Variants in CHST11 observed in about 807,000 individuals in gnomAD.
The protein encoded by CHST11 is carbohydrate sulfotransferase 11.
CHST11 carries 9 observed loss-of-function variants against 30.4 expected under a neutral mutation model. The observed-to-expected ratio is 0.30, with a 90% confidence interval of 0.18 to 0.52. The LOEUF is 0.52. Among genes scored for constraint, CHST11 ranks in the 20% least tolerant of loss-of-function variants. The pLI is 0.97. For synonymous variants in CHST11, 152 were observed against 187.8 expected, an observed-to-expected ratio of 0.81 and a Z score of 1.56; for missense variants, 348 against 460.6, an observed-to-expected ratio of 0.76 and a Z score of 2.24.
intron 1 of CHST11, among the ~76,000 whole-genome samples, chr12:104,556,085 G>A (rs529789992): frequency 6.6e-6 from 1 of 152,346 alleles, no homozygotes; most frequent in Non-Finnish European, 1.5e-5. Context: ...GCTTTGGAGG[G>A]ACCAGAAAGA....
chr12:104,493,391 A>G (rs1489072563), intron 1 of CHST11, among the ~76,000 whole-genome samples: 1 of 152,126 alleles, frequency 6.6e-6, no homozygotes, highest in Admixed American at 6.6e-5. Flanking sequence ...TTGCTCTTTA[A>G]TAGACATAGG....
At chr12:104,542,700 G>A (rs2038297011) in intron 1 of CHST11, among the ~76,000 whole-genome samples, 1 of 152,232 alleles carries the variant, frequency 6.6e-6, no homozygotes, top group Non-Finnish European at 1.5e-5. Context: ...GTAGAGTGGG[G>A]ATAGTGGGGA....
intron 1 of CHST11, among the ~76,000 whole-genome samples, chr12:104,601,480 C>T (rs2038956595): frequency 6.6e-6 from 1 of 152,210 alleles, no homozygotes; most frequent in South Asian, 2.1e-4. Context: ...CTCAGAAGCC[C>T]AGCTTTCAGG....
rs993511183 is a variant in CHST11 at position 104,760,905 on chromosome 12, T to A, written c.*3102T>A. On this transcript the variant is annotated 3_prime_UTR_variant, in exon 3 of 3. Transcript: ENST00000303694. ...GCCTGGAAAATGAAAGTTTGTGTTT[T>A]TTAAAGAGGAATATTTGAAACTGCT... is the stretch of plus-strand genomic sequence containing the variant. 48 of 152,226 alleles carry A rather than the reference T, an allele frequency of 3.2e-4. No homozygotes were observed. Among genetic ancestry groups the A allele is most frequent in the African/African-American group, 2.4e-5 (1 of 41,458 alleles). 9.4% of individuals were successfully genotyped at this position (152,226 alleles called of 1,614,324 possible).
At chr12:104,660,782 T>G (rs1373677353) in intron 2 of CHST11, among the ~76,000 whole-genome samples, 1 of 152,154 alleles carries the variant, frequency 6.6e-6, no homozygotes, top group Admixed American at 6.5e-5. Flanking sequence ...GAAAACTGAG[T>G]CTAGCTCCAC....
At chr12:104,739,515 A>G (rs1376201041) in intron 2 of CHST11, among the ~76,000 whole-genome samples, 1 of 152,220 alleles carries the variant, frequency 6.6e-6, no homozygotes, top group African/African-American at 2.4e-5. Context: ...CCCAAGGTCC[A>G]CAGCCAGTAA....
At chr12:104,559,909 G>A (rs913472441) in intron 1 of CHST11, among the ~76,000 whole-genome samples, 5 of 152,206 alleles carry the variant, frequency 3.3e-5, no homozygotes, top group African/African-American at 1.2e-4. Flanking sequence ...CATTTTAAAA[G>A]TAGTGGAGAA....
chr12:104,761,786 C>G lies in CHST11; in HGVS notation c.*3983C>G, dbSNP rs1163722526. 2 of 152,232 alleles carry G rather than the reference C, an allele frequency of 1.3e-5. No individual in the cohort carries two copies. The highest frequency in any genetic ancestry group is 2.9e-5 in the Non-Finnish European group (2 of 68,054). 9.4% of individuals were successfully genotyped at this position (152,232 alleles called of 1,614,324 possible). On this transcript the variant is annotated 3_prime_UTR_variant, in exon 3 of 3. Coordinates refer to ENST00000303694, the MANE Select transcript of CHST11 (RefSeq NM_018413.6). ...GAGCATGCTCAGTATGGCATATGGA[C>G]ATGTAATGTCACATCTTTGTGGAGT... is the stretch of plus-strand genomic sequence containing the variant.
At chr12:104,477,752 G>A (rs1331070641) in intron 1 of CHST11, among the ~76,000 whole-genome samples, 2 of 152,148 alleles carry the variant, frequency 1.3e-5, no homozygotes, top group Non-Finnish European at 2.9e-5. Context: ...TAGTTTACAA[G>A]CCACCTAGTG....
At chr12:104,558,508 C>T (rs1429631537) in intron 1 of CHST11, among the ~76,000 whole-genome samples, 1 of 150,828 alleles carries the variant, frequency 6.6e-6, no homozygotes, top group African/African-American at 2.4e-5. Flanking sequence ...ATTCTGTTGA[C>T]TATTGTCATT....
chr12:104,541,349 T>G (rs2038285960), intron 1 of CHST11, among the ~76,000 whole-genome samples: 1 of 152,102 alleles, frequency 6.6e-6, no homozygotes, highest in African/African-American at 2.4e-5. Flanking sequence ...GACATCCCTT[T>G]TGGGGGTATT....
intron 1 of CHST11, among the ~76,000 whole-genome samples, chr12:104,513,129 G>T (rs796256123): frequency 9.3e-6 from 1 of 108,104 alleles, no homozygotes; most frequent in Non-Finnish European, 1.8e-5. Flanking sequence ...TGACTGGGGG[G>T]GGGGGGGGTT....
intron 1 of CHST11, among the ~76,000 whole-genome samples, chr12:104,504,127 C>A (rs536472511): frequency 1.8e-4 from 28 of 152,280 alleles, no homozygotes; most frequent in East Asian, 7.7e-4. Context: ...TGGGTGTACC[C>A]CACACCCCCA....
chr12:104,520,415 A>G (rs79037421), intron 1 of CHST11, among the ~76,000 whole-genome samples: 7,268 of 152,248 alleles, frequency 0.048, 241 homozygotes, highest in Admixed American at 0.1. Context: ...TGTTAGTGTA[A>G]GAAGGGCGGG....
At chr12:104,564,854 C>T (rs2038546355) in intron 1 of CHST11, among the ~76,000 whole-genome samples, 1 of 152,182 alleles carries the variant, frequency 6.6e-6, no homozygotes, top group Non-Finnish European at 1.5e-5. Context: ...GGAGCAAAGG[C>T]ACATCTTACA....
chr12:104,644,979 C>A (rs1197808158), intron 2 of CHST11, among the ~76,000 whole-genome samples: 9 of 152,212 alleles, frequency 5.9e-5, no homozygotes, highest in Admixed American at 3.9e-4. Flanking sequence ...GAGACAGAGT[C>A]TTGCACTGTC....
At chr12:104,535,246 G>A (rs934641431) in intron 1 of CHST11, among the ~76,000 whole-genome samples, 1 of 152,156 alleles carries the variant, frequency 6.6e-6, no homozygotes, top group African/African-American at 2.4e-5. Context: ...TCGTCCTCCT[G>A]GATTTCAGGG....
chr12:104,592,757 G>A (rs1221273541), intron 1 of CHST11, among the ~76,000 whole-genome samples: 2 of 152,120 alleles, frequency 1.3e-5, no homozygotes, highest in African/African-American at 2.4e-5. Flanking sequence ...TGTCTTAGAT[G>A]TGCCTGATGG....
Position 104,761,188 on chromosome 12 carries a change from C to T in CHST11, c.*3385C>T, listed in dbSNP as rs2040521948. On this transcript the variant is annotated 3_prime_UTR_variant, in exon 3 of 3. Coordinates refer to ENST00000303694, the MANE Select transcript of CHST11 (RefSeq NM_018413.6). ...GTGGTATCTCAGAGGGGACGTTCCT[C>T]CTCCTCCCTGTGCACCAGGTGGGCT... is the stretch of plus-strand genomic sequence containing the variant. 1.3e-5 allele frequency: 2 copies of T among 152,240 alleles called. No homozygotes were observed. Among genetic ancestry groups the T allele is most frequent in the Admixed American group, 6.5e-5 (1 of 15,270 alleles). The allele number at this position is 152,240 out of a possible 1,614,324, so 9.4% of individuals were successfully genotyped here.
Sources: allele counts gnomAD v4.1 joint callset (sites outside exome capture counted in the v4.1 genomes callset), GRCh38; gene constraint gnomAD v4.1.1; transcripts MANE v1.5; gene names NCBI Gene and HGNC (gene_info 2026-07-23, HGNC 2026-07-21).